The following PEX26 variants were observed in gnomAD, a reference collection of about 807,000 sequenced individuals.
PEX26 encodes peroxisome assembly protein 26.
PEX26 carries 18 observed loss-of-function variants against 31.4 expected under a neutral mutation model. The observed-to-expected ratio is 0.57, with a 90% confidence interval of 0.40 to 0.85. The LOEUF is 0.85. Ranked by LOEUF, PEX26 falls within the 40% of genes least tolerant of loss-of-function variation. The pLI is 0.00. For missense variants in PEX26, 377 were observed against 383.9 expected, an observed-to-expected ratio of 0.98 and a Z score of 0.15; for synonymous variants, 176 against 166.9, an observed-to-expected ratio of 1.05 and a Z score of -0.42.
rs1278922907 is a variant in PEX26, at chr22:18,092,932, A to G, written c.*4857A>G. On this transcript the variant is annotated 3_prime_UTR_variant, in exon 5 of 5. Transcript: ENST00000399744. Reference sequence around the variant, plus strand: ...ATACAGAAAAAGAATAACTTGCTTCATATGTCCCAAAAAGAGAAAAAAATA... The same window carrying G: ...ATACAGAAAAAGAATAACTTGCTTCGTATGTCCCAAAAAGAGAAAAAAATA... 6.6e-6 allele frequency: 1 copy of G among 152,118 alleles called. No homozygotes were observed. Among genetic ancestry groups the G allele is most frequent in the Non-Finnish European group, 1.5e-5 (1 of 68,030 alleles). 9.4% of individuals were successfully genotyped at this position (152,118 alleles called of 1,614,324 possible). A position where few individuals can be genotyped will look rare whatever the true frequency, so the allele number is the denominator to read the frequency against.
At position 18,088,899 on chromosome 22, in the gene PEX26, GCTGCAGGAGC is replaced by G. The variant is rs1394328679; in HGVS notation, c.*827_*836del. ...CCCATGGTCTTGCCATGCGCTTGAA[GCTGCAGGAGC>G]CTTCTCACTGTTCAGGCTGGGGTGT... On this transcript the variant is annotated 3_prime_UTR_variant, in exon 5 of 5. Coordinates refer to ENST00000399744, the MANE Select transcript of PEX26 (RefSeq NM_001127649.3). The surrounding 1 kb of genome is among the most constrained non-coding windows in gnomAD (Gnocchi z 4.1). The G allele has an allele frequency of 1.0e-4, 16 of 152,724 alleles. No individual in the cohort carries two copies. The highest frequency in any genetic ancestry group is 3.6e-4 in the African/African-American group (15 of 41,444). The allele number at this position is 152,724 out of a possible 1,614,324, so 9.5% of individuals were successfully genotyped here. A position where few individuals can be genotyped will look rare whatever the true frequency, so the allele number is the denominator to read the frequency against.
Position 18,100,096 on chromosome 22 carries a change from A to G in PEX26, c.*12021A>G, listed in dbSNP as rs1325155835. The G allele has an allele frequency of 6.6e-6, 1 of 151,954 alleles. No homozygotes were observed. Among genetic ancestry groups the G allele is most frequent in the Non-Finnish European group, 1.5e-5 (1 of 67,998 alleles). 9.4% of individuals were successfully genotyped at this position (151,954 alleles called of 1,614,324 possible). A position where few individuals can be genotyped will look rare whatever the true frequency, so the allele number is the denominator to read the frequency against. On this transcript the variant is annotated 3_prime_UTR_variant, in exon 5 of 5. Transcript: ENST00000399744. ...TCTATTTATTGTTATTATTTTTGAGATAGAGTTTCAATCTTGTTGCCCAGG... is the reference window on the plus strand; with the variant it reads ...TCTATTTATTGTTATTATTTTTGAGGTAGAGTTTCAATCTTGTTGCCCAGG...
In PEX26 at chr22:18,099,829, C is replaced by T. The variant is rs1285261160; in HGVS notation, c.*11754C>T. 1 of 152,302 alleles carries T rather than the reference C, an allele frequency of 6.6e-6. No homozygotes were observed. 9.4% of individuals were successfully genotyped at this position (152,302 alleles called of 1,614,324 possible). A position where few individuals can be genotyped will look rare whatever the true frequency, so the allele number is the denominator to read the frequency against. Reference sequence around the variant, plus strand: ...AATCCCTGCCTCAGTCTTCGCTTGACCTTCTTCGTACCTCTGTATCTTCTC... The same window carrying T: ...AATCCCTGCCTCAGTCTTCGCTTGATCTTCTTCGTACCTCTGTATCTTCTC... On this transcript the variant is annotated 3_prime_UTR_variant, in exon 5 of 5. Transcript: ENST00000399744.
rs901962712 is a variant in PEX26 at position 18,093,104 on chromosome 22, G to C, written c.*5029G>C. On this transcript the variant is annotated 3_prime_UTR_variant, in exon 5 of 5. Coordinates refer to ENST00000399744, the MANE Select transcript of PEX26 (RefSeq NM_001127649.3). ...GAACCCTTCAATAAGAGCAAAGCAG[G>C]AGTTTGTTTTTTCTTTGTGCAGATA... 1 of 152,098 alleles carries C rather than the reference G, an allele frequency of 6.6e-6. No homozygotes were observed. The highest frequency in any genetic ancestry group is 2.4e-5 in the African/African-American group (1 of 41,400). 9.4% of individuals were successfully genotyped at this position (152,098 alleles called of 1,614,324 possible). A position where few individuals can be genotyped will look rare whatever the true frequency, so the allele number is the denominator to read the frequency against.
rs1927309444 is a variant in PEX26, at chr22:18,096,768, A to G, written c.*8693A>G. 1 of 152,142 alleles carries G rather than the reference A, an allele frequency of 6.6e-6. No individual in the cohort carries two copies. The highest frequency in any genetic ancestry group is 6.6e-5 in the Admixed American group (1 of 15,258). 9.4% of individuals were successfully genotyped at this position (152,142 alleles called of 1,614,324 possible). A position where few individuals can be genotyped will look rare whatever the true frequency, so the allele number is the denominator to read the frequency against. On this transcript the variant is annotated 3_prime_UTR_variant, in exon 5 of 5. Transcript: ENST00000399744. ...CCTTTTTATATATTCATTTCAGACC[A>G]TGTTTAATTTTCTAAATATGCAATA...
chr22:18,079,365 G>A, intron 1 of PEX26: 1 of 369,894 alleles, frequency 2.7e-6, no homozygotes, highest in Non-Finnish European at 3.7e-6. Flanking sequence ...GGAGAGCCCT[G>A]GCTGTGTTTT....
rs1927370364 is a variant in PEX26 at position 18,098,772 on chromosome 22, A to ATC, written c.*10698_*10699insCT. The ATC allele has an allele frequency of 6.6e-6, 1 of 151,184 alleles. No individual in the cohort carries two copies. The highest frequency in any genetic ancestry group is 6.6e-5 in the Admixed American group (1 of 15,146). 9.4% of individuals were successfully genotyped at this position (151,184 alleles called of 1,614,324 possible). A position where few individuals can be genotyped will look rare whatever the true frequency, so the allele number is the denominator to read the frequency against. ...TGTATGTGTGCGTGTGTAGACATAT[A>ATC]TATATAATATATATACACATATGCA... is the stretch of plus-strand genomic sequence containing the variant. On this transcript the variant is annotated 3_prime_UTR_variant, in exon 5 of 5. Coordinates refer to ENST00000399744, the MANE Select transcript of PEX26 (RefSeq NM_001127649.3).
In PEX26 at chr22:18,095,819, C is replaced by G. The variant is rs1389132464; in HGVS notation, c.*7744C>G. 1.4e-5 allele frequency: 2 copies of G among 142,820 alleles called. No individual in the cohort carries two copies. The highest frequency in any genetic ancestry group is 3.0e-5 in the Non-Finnish European group (2 of 65,946). 8.8% of individuals were successfully genotyped at this position (142,820 alleles called of 1,614,324 possible). On this transcript the variant is annotated 3_prime_UTR_variant, in exon 5 of 5. Transcript: ENST00000399744. ...GTGTGGGTCCCAGACCCATAATGCC[C>G]AAGTTTGTATCTTTTTTTTTTGAGA...
chr22:18,082,805 T>C (rs2123653003), intron 2 of PEX26, among the ~76,000 whole-genome samples: 1 of 152,372 alleles, frequency 6.6e-6, no homozygotes, highest in East Asian at 1.9e-4. Flanking sequence ...TTAATAATAT[T>C]CTTCCAATTT....
At chr22:18,083,042 A>G (rs1391744115) in intron 2 of PEX26, among the ~76,000 whole-genome samples, 1 of 152,158 alleles carries the variant, frequency 6.6e-6, no homozygotes, top group Non-Finnish European at 1.5e-5. Flanking sequence ...TGATTTTTGT[A>G]TCCCACAACT....
At chr22:18,078,705 CT>C in intron 1 of PEX26, 99 bp downstream of exon 1, 1 of 1,055,742 alleles carries the variant, frequency 9.5e-7, no homozygotes, top group Non-Finnish European at 1.4e-6. Flanking sequence ...CCACAAGGAG[CT>C]TTACACCTCG....
chr22:18,091,156 C>T lies in PEX26; in HGVS notation c.*3081C>T, dbSNP rs905667089. The stretch of plus-strand genomic sequence containing the variant: ...TAGCTGGGCCTACAGTGTGTGCTGC[C>T]ACACCCAGCTAATACAGTCTTTCTA... On this transcript the variant is annotated 3_prime_UTR_variant, in exon 5 of 5. Coordinates refer to ENST00000399744, the MANE Select transcript of PEX26 (RefSeq NM_001127649.3). 6.6e-5 allele frequency: 10 copies of T among 152,246 alleles called. No homozygotes were observed. The highest frequency in any genetic ancestry group is 2.2e-4 in the African/African-American group (9 of 41,444). The allele number at this position is 152,246 out of a possible 1,614,324, so 9.4% of individuals were successfully genotyped here.
At position 18,097,616 on chromosome 22, in the gene PEX26, C is replaced by T. The variant is rs1927335708; in HGVS notation, c.*9541C>T. 6.6e-6 allele frequency: 1 copy of T among 151,916 alleles called. No homozygotes were observed. The allele number at this position is 151,916 out of a possible 1,614,324, so 9.4% of individuals were successfully genotyped here. A position where few individuals can be genotyped will look rare whatever the true frequency, so the allele number is the denominator to read the frequency against. ...CAGAGGTAAATTTAATACACCAATA[C>T]AAAACCAGTATGGATATAGATCCTA... On this transcript the variant is annotated 3_prime_UTR_variant, in exon 5 of 5. Transcript: ENST00000399744.
chr22:18,085,598 C>T (rs185653183), intron 4 of PEX26, among the ~76,000 whole-genome samples: 5 of 152,308 alleles, frequency 3.3e-5, no homozygotes, highest in East Asian at 1.9e-4. Context: ...TGGCCAGGCA[C>T]GGTGGCTCAC....
Position 18,105,349 on chromosome 22 carries a change from T to C in PEX26, c.*17274T>C, listed in dbSNP as rs926616068. ...AGGAATGAGAGTTAATGTTTCTATG[T>C]TTCTGATTCTTCATTTGTAAAATGA... On this transcript the variant is annotated 3_prime_UTR_variant, in exon 5 of 5. Transcript: ENST00000399744. 2 of 152,224 alleles carry C rather than the reference T, an allele frequency of 1.3e-5. No homozygotes were observed. Among genetic ancestry groups the C allele is most frequent in the African/African-American group, 4.8e-5 (2 of 41,452 alleles). The allele number at this position is 152,224 out of a possible 1,614,324, so 9.4% of individuals were successfully genotyped here. A position where few individuals can be genotyped will look rare whatever the true frequency, so the allele number is the denominator to read the frequency against.
intron 2 of PEX26, among the ~76,000 whole-genome samples, chr22:18,083,079 C>T (rs530861527): frequency 6.6e-6 from 1 of 152,314 alleles, no homozygotes; most frequent in African/African-American, 2.4e-5. Context: ...TTAGTTCTGT[C>T]TGCAAACAGG....
intron 3 of PEX26, among the ~76,000 whole-genome samples, chr22:18,084,710 C>T (rs1201497556): frequency 1.3e-5 from 2 of 151,696 alleles, no homozygotes; most frequent in African/African-American, 4.8e-5. Flanking sequence ...ACCTAATACC[C>T]TTTTACTAAA....
At position 18,078,138 on chromosome 22, in the gene PEX26, G is replaced by GATGCAAGA. The variant is rs1569185489; in HGVS notation, c.-236_-229dup. The GATGCAAGA allele has an allele frequency of 1.5e-6, 1 of 678,268 alleles. No individual in the cohort carries two copies. Among genetic ancestry groups the GATGCAAGA allele is most frequent in the East Asian group, 2.8e-5 (1 of 35,346 alleles). 42.0% of individuals were successfully genotyped at this position (678,268 alleles called of 1,614,324 possible). A position where few individuals can be genotyped will look rare whatever the true frequency, so the allele number is the denominator to read the frequency against. Reference sequence around the variant, plus strand: ...AGAAGCTAGGGCCAGGTATTCCAGGGATGCAAGAATCCTGCAAATCTGACG... The same window carrying GATGCAAGA: ...AGAAGCTAGGGCCAGGTATTCCAGGGATGCAAGAATGCAAGAATCCTGCAAATCTGACG... On this transcript the variant is annotated 5_prime_UTR_variant, in exon 1 of 5. The change creates a new upstream start codon in the 5' untranslated region. Transcript: ENST00000399744.
At chr22:18,082,062 G>GTTTTT (rs10627489) in intron 2 of PEX26, among the ~76,000 whole-genome samples, 1 of 99,352 alleles carries the variant, frequency 1.0e-5, no homozygotes. Flanking sequence ...TTTGAATCAG[G>GTTTTT]TTTTTTTTTT....
Sources: gnomAD v4.1 joint callset for allele counts (sites outside exome capture counted in the v4.1 genomes callset) on GRCh38, gnomAD v4.1.1 for gene constraint, Gnocchi (gnomAD v3.1) non-coding constraint, MANE v1.5 for transcripts, NCBI Gene and HGNC (gene_info 2026-07-23, HGNC 2026-07-21) for gene names.